The following EPHB1 variants were observed in gnomAD, a reference collection of about 807,000 sequenced individuals.
EPHB1 encodes ephrin type-B receptor 1.
A neutral mutation model predicts 94.4 loss-of-function variants in EPHB1; 30 were observed. The ratio of observed to expected loss-of-function variants is 0.32; its 90% confidence interval spans 0.24 to 0.43. The LOEUF is 0.43. Among genes scored for constraint, EPHB1 ranks in the 20% least tolerant of loss-of-function variants. The probability of loss-of-function intolerance (pLI) is 1.00; values close to 1 mark genes in which losing one functional copy is unlikely to be tolerated. For synonymous variants in EPHB1, 522 were observed against 489.1 expected (o/e 1.07, Z -0.89); for missense variants, 1,055 against 1,308.3 (o/e 0.81, Z 2.99).
intron 6 of EPHB1, among the ~76,000 whole-genome samples, chr3:135,159,717 C>G (rs1464943392): frequency 6.6e-6 from 1 of 152,146 alleles, no homozygotes; most frequent in Non-Finnish European, 1.5e-5. Flanking sequence ...CTCCCAGGGC[C>G]CAGTAGACAT....
At chr3:135,032,576 A>C (rs903339070) in intron 3 of EPHB1, among the ~76,000 whole-genome samples, 2 of 152,112 alleles carry the variant, frequency 1.3e-5, no homozygotes, top group African/African-American at 4.8e-5. Context: ...ATCTCTTCAT[A>C]TTTTAGTGTG....
intron 3 of EPHB1, among the ~76,000 whole-genome samples, chr3:134,957,563 G>C (rs548894586): frequency 6.6e-6 from 1 of 152,270 alleles, no homozygotes; most frequent in South Asian, 2.1e-4. Context: ...GGGCAGCCCT[G>C]AACAACCCAG....
intron 1 of EPHB1, among the ~76,000 whole-genome samples, chr3:134,870,253 G>A (rs1281795296): frequency 1.3e-5 from 2 of 152,118 alleles, no homozygotes; most frequent in Non-Finnish European, 2.9e-5. Context: ...GATGACCAGG[G>A]TCTTCGGCCA....
At chr3:135,050,655 G>A (rs1937142554) in intron 3 of EPHB1, among the ~76,000 whole-genome samples, 3 of 152,136 alleles carry the variant, frequency 2.0e-5, no homozygotes, top group Admixed American at 1.3e-4. Flanking sequence ...CATGGGGCTG[G>A]ATCCCTTTTG....
intron 3 of EPHB1, among the ~76,000 whole-genome samples, chr3:135,037,950 A>C (rs948202348): frequency 1.3e-5 from 2 of 152,122 alleles, no homozygotes; most frequent in African/African-American, 4.8e-5. Context: ...ATTAGGCTCT[A>C]CCCTTTTCTT....
At chr3:134,807,296 A>G (rs1301843364) in intron 1 of EPHB1, among the ~76,000 whole-genome samples, 1 of 152,208 alleles carries the variant, frequency 6.6e-6, no homozygotes, top group Non-Finnish European at 1.5e-5. Context: ...TGAAAACACC[A>G]AGATAAAGAA....
At chr3:135,199,529 A>G (rs1307726664) in intron 11 of EPHB1, among the ~76,000 whole-genome samples, 1 of 152,252 alleles carries the variant, frequency 6.6e-6, no homozygotes, top group East Asian at 1.9e-4. Context: ...ATTATGGAGA[A>G]AGCATACATT....
chr3:135,143,792 G>A (rs1940911144), intron 5 of EPHB1, among the ~76,000 whole-genome samples: 1 of 152,214 alleles, frequency 6.6e-6, no homozygotes. Flanking sequence ...AGCCTCCCAT[G>A]GTTGCAGGGT....
intron 13 of EPHB1, among the ~76,000 whole-genome samples, chr3:135,244,352 A>T (rs557545396): frequency 1.3e-5 from 2 of 152,330 alleles, no homozygotes; most frequent in African/African-American, 4.8e-5. Context: ...AGTTGCCTAG[A>T]CTGGTCTCCT....
At chr3:135,034,224 C>T (rs752350416) in intron 3 of EPHB1, among the ~76,000 whole-genome samples, 1 of 152,196 alleles carries the variant, frequency 6.6e-6, no homozygotes, top group Non-Finnish European at 1.5e-5. Flanking sequence ...GGGCATCCTT[C>T]AGAATCCACT....
intron 2 of EPHB1, among the ~76,000 whole-genome samples, chr3:134,942,577 G>A (rs1011802522): frequency 1.3e-5 from 2 of 152,232 alleles, no homozygotes; most frequent in African/African-American, 4.8e-5. Context: ...GGGCAAGGTG[G>A]TGCATCCCGG....
chr3:134,842,774 C>T (rs887220409), intron 1 of EPHB1, among the ~76,000 whole-genome samples: 3 of 152,164 alleles, frequency 2.0e-5, no homozygotes, highest in Non-Finnish European at 4.4e-5. Flanking sequence ...CTTTTAATAT[C>T]CCACACAGCT....
chr3:135,189,718 A>T (rs1451663744), intron 10 of EPHB1, among the ~76,000 whole-genome samples: 1 of 152,252 alleles, frequency 6.6e-6, no homozygotes, highest in Non-Finnish European at 1.5e-5. Context: ...CCACTGAGGT[A>T]GAACAGAAGT....
intron 9 of EPHB1, among the ~76,000 whole-genome samples, chr3:135,173,851 A>G (rs1055729006): frequency 4.6e-5 from 7 of 152,274 alleles, no homozygotes; most frequent in Non-Finnish European, 8.8e-5. Flanking sequence ...CCCTCTTACA[A>G]TAGGATTTCT....
intron 3 of EPHB1, among the ~76,000 whole-genome samples, chr3:134,986,711 A>AACACACACACAC (rs60628273): frequency 0.061 from 8,886 of 145,610 alleles, 392 homozygotes; most frequent in East Asian, 0.23. Flanking sequence ...TAAAGATATT[A>AACACACACACAC]ACACACACAC....
intron 12 of EPHB1, among the ~76,000 whole-genome samples, chr3:135,213,599 C>T (rs1310391183): frequency 2.6e-5 from 4 of 152,164 alleles, no homozygotes; most frequent in South Asian, 2.1e-4. Context: ...TTGGAGCTCA[C>T]GTACACACTC....
At chr3:135,064,673 A>AT (rs1169724865) in intron 3 of EPHB1, among the ~76,000 whole-genome samples, 1 of 151,286 alleles carries the variant, frequency 6.6e-6, no homozygotes, top group Non-Finnish European at 1.5e-5. Context: ...TATCTTTTGT[A>AT]TTTTTTTTAA....
rs972810570 is a variant in EPHB1, at chr3:134,861,745, A to G, written c.59-64071A>G. ...TTGGCATCGGGGGAGGGAGAGCATC[A>G]GGATAAGTAACTAATGCATGCAGGG... On this transcript the variant is annotated intron_variant, in intron 1 of 15. Transcript: ENST00000398015. 7.2e-5 allele frequency among the ~76,000 whole-genome samples: 11 copies of G among 152,286 alleles called. No homozygotes were observed. The East Asian group carries it at 2.1e-3, about 29-fold the overall frequency.
intron 12 of EPHB1, among the ~76,000 whole-genome samples, chr3:135,206,991 C>T (rs1255386207): frequency 6.6e-6 from 1 of 152,158 alleles, no homozygotes; most frequent in Non-Finnish European, 1.5e-5. Context: ...AGTTTCAAAA[C>T]ATGCACATAT....
Sources: gnomAD v4.1 joint callset for allele counts (sites outside exome capture counted in the v4.1 genomes callset) on GRCh38, gnomAD v4.1.1 for gene constraint, MANE v1.5 for transcripts, NCBI Gene and HGNC (gene_info 2026-07-23, HGNC 2026-07-21) for gene names.